ATE1: variants seen among roughly 807,000 people sequenced by gnomAD.
ATE1 encodes arginyl-tRNA--protein transferase 1.
ATE1 carries 36 observed loss-of-function variants against 70.5 expected under a neutral mutation model. The ratio of observed to expected loss-of-function variants is 0.51; its 90% CI spans 0.39 to 0.67. The LOEUF is 0.67. ATE1 is among the 30% of genes least tolerant of loss of function. The pLI is 0.00. For synonymous variants in ATE1, 232 were observed against 219.3 expected, an observed-to-expected ratio of 1.06 and a Z score of -0.51; for missense variants, 593 against 629.5, an observed-to-expected ratio of 0.94 and a Z score of 0.62.
At chr10:121,870,102 G>A (rs1449873165) in intron 7 of ATE1, 64 bp from the exon 8 acceptor site, 1 of 1,445,530 alleles carries the variant, frequency 6.9e-7, no homozygotes, top group Non-Finnish European at 9.6e-7. Flanking sequence ...GGAACACAGA[G>A]AAAAAGAAAA....
At chr10:121,803,580 T>C (rs916133722) in intron 10 of ATE1, among the ~76,000 whole-genome samples, 1 of 152,224 alleles carries the variant, frequency 6.6e-6, no homozygotes, top group Non-Finnish European at 1.5e-5. Context: ...CAGAAACAAA[T>C]TGGTTTTATT....
intron 10 of ATE1, among the ~76,000 whole-genome samples, chr10:121,811,243 T>A (rs1232172580): frequency 3.3e-5 from 5 of 151,980 alleles, no homozygotes; most frequent in Admixed American, 6.6e-5. Context: ...TGTAAGTATA[T>A]AAACATACAT....
In ATE1 at chr10:121,783,690, T is replaced by A. The variant is rs11200149; in HGVS notation, c.1378+6479A>T. 0.022 allele frequency among the ~76,000 whole-genome samples: 3,280 copies of A among 152,284 alleles called. 182 individuals carry two copies. The East Asian group carries it at 0.25, about 12-fold the overall frequency. Reference sequence around the variant, plus strand: ...TGGACAACTCCCTTAAAATATTTTTTAAAATGTCACTTTTCCATACAAACA... The same window carrying A: ...TGGACAACTCCCTTAAAATATTTTTAAAAATGTCACTTTTCCATACAAACA... On this transcript the variant is annotated intron_variant, in intron 11 of 11. Transcript: ENST00000224652.
chr10:121,832,564 G>A (rs945951113), intron 10 of ATE1, among the ~76,000 whole-genome samples: 11 of 152,162 alleles, frequency 7.2e-5, no homozygotes, highest in Admixed American at 2.6e-4. Flanking sequence ...GGTAGTGAAT[G>A]TCTCACGATA....
At chr10:121,858,556 G>A (rs1282741920) in intron 8 of ATE1, among the ~76,000 whole-genome samples, 3 of 149,218 alleles carry the variant, frequency 2.0e-5, no homozygotes, top group African/African-American at 4.9e-5. Flanking sequence ...TTGGATACCC[G>A]AATAGTTTCT....
intron 11 of ATE1, among the ~76,000 whole-genome samples, chr10:121,753,382 TA>T (rs1274759213): frequency 6.6e-6 from 1 of 152,240 alleles, no homozygotes; most frequent in African/African-American, 2.4e-5. Flanking sequence ...AAACTCATGA[TA>T]TGTTGATTAA....
chr10:121,870,036 G>T lies in ATE1; in HGVS notation c.945C>A (p.Phe315Leu). 2 of 1,610,192 alleles carry T rather than the reference G, an allele frequency of 1.2e-6. No individual in the cohort carries two copies. The highest frequency in any genetic ancestry group is 2.2e-5 in the South Asian group (2 of 90,512). Residue 315 changes from phenylalanine to leucine, a missense_variant and splice_region_variant, in exon 8 of 12, where the codon TTC becomes TTA. Phe to Leu is a conservative substitution (Grantham distance 22). This residue lies in a region of ATE1 where 467 missense variants were observed against 469.6 expected (regional missense o/e 0.99). Transcript: ENST00000224652. ...AGGGTGAACTGCAAAGGAATCTTGT[G>T]AACTGCAGTCAAATTTGAACAGAAT... ...NPPDTPTESQFTRFLCSSPLE... is the reference protein window; with the variant it reads ...NPPDTPTESQLTRFLCSSPLE...
chr10:121,913,643 G>A, intron 4 of ATE1, 147 bp downstream of exon 4: 3 of 477,594 alleles, frequency 6.3e-6, no homozygotes, highest in Non-Finnish European at 1.1e-5. Context: ...GATGGTAACA[G>A]TAATAGCAGT....
chr10:121,802,986 T>TTCCCCATTGGAA (rs1946949844), intron 10 of ATE1, among the ~76,000 whole-genome samples: 1 of 152,208 alleles, frequency 6.6e-6, no homozygotes. Context: ...GGAAATCTAA[T>TTCCCCATTGGAA]TTAGATTGGA....
At chr10:121,893,298 ATT>A (rs1950647419) in intron 7 of ATE1, among the ~76,000 whole-genome samples, 1 of 150,988 alleles carries the variant, frequency 6.6e-6, no homozygotes, top group African/African-American at 2.4e-5. Context: ...AAAAAACAAA[ATT>A]GTAAAAACGT....
At chr10:121,928,360 G>A (rs765184186), upstream of ATE1, 85 of 1,533,368 alleles carry the variant, frequency 5.5e-5, no homozygotes, top group Middle Eastern at 1.8e-4. Context: ...AGGACGCTTT[G>A]CCCTCCTTGG....
intron 11 of ATE1, among the ~76,000 whole-genome samples, chr10:121,755,732 C>G (rs570625629): frequency 6.6e-6 from 1 of 152,246 alleles, no homozygotes; most frequent in East Asian, 1.9e-4. Context: ...TTTAAAACCA[C>G]CAGACCTCAT....
intron 10 of ATE1, among the ~76,000 whole-genome samples, chr10:121,802,434 G>C (rs371855482): frequency 1.3e-5 from 2 of 151,616 alleles, no homozygotes; most frequent in African/African-American, 4.8e-5. Flanking sequence ...TCAGCCTCCC[G>C]AGTTGCTGGG....
At chr10:121,780,324 C>T (rs1945929360) in intron 11 of ATE1, among the ~76,000 whole-genome samples, 1 of 152,180 alleles carries the variant, frequency 6.6e-6, no homozygotes, top group Non-Finnish European at 1.5e-5. Flanking sequence ...CAAACTCTTT[C>T]CCTCCCCACC....
intron 10 of ATE1, among the ~76,000 whole-genome samples, chr10:121,799,175 C>G (rs755270410): frequency 1.3e-5 from 2 of 152,178 alleles, no homozygotes; most frequent in Non-Finnish European, 2.9e-5. Context: ...GGTGCTCATT[C>G]TCTGCTGGGG....
intron 5 of ATE1, 66 bp downstream of exon 5, chr10:121,910,840 G>A: frequency 1.2e-6 from 2 of 1,604,894 alleles, no homozygotes; most frequent in South Asian, 2.2e-5. Flanking sequence ...GAAAGACCCA[G>A]GGTTTAAAAT....
intron 5 of ATE1, among the ~76,000 whole-genome samples, chr10:121,904,017 T>A (rs1426123872): frequency 2.0e-5 from 3 of 151,310 alleles, no homozygotes; most frequent in African/African-American, 7.3e-5. Flanking sequence ...TCTCGCTCTG[T>A]CACCCAGGCT....
intron 11 of ATE1, among the ~76,000 whole-genome samples, chr10:121,782,211 A>G (rs1329515560): frequency 1.3e-5 from 2 of 152,222 alleles, no homozygotes; most frequent in African/African-American, 2.4e-5. Context: ...ATTGAATATC[A>G]AATTATGTGG....
chr10:121,918,562 C>T (rs888199420), intron 3 of ATE1, among the ~76,000 whole-genome samples: 1 of 152,122 alleles, frequency 6.6e-6, no homozygotes, highest in Non-Finnish European at 1.5e-5. Flanking sequence ...TTTCTGATCA[C>T]AGATTAAGCC....
Sources: gnomAD v4.1 joint callset for allele counts (sites outside exome capture counted in the v4.1 genomes callset) on GRCh38, gnomAD v4.1.1 for gene constraint, gnomAD v4.1.1 regional missense constraint, MANE v1.5 for transcripts, NCBI Gene and HGNC (gene_info 2026-07-23, HGNC 2026-07-21) for gene names.